Variants in FBN3 observed in about 807,000 individuals in gnomAD.
FBN3 encodes the protein fibrillin-3.
FBN3 carries 234 observed loss-of-function variants against 330.1 expected under a neutral mutation model. That is an observed-to-expected ratio of 0.71 (90% CI 0.64 to 0.79). FBN3 has a LOEUF of 0.79. Ranked by LOEUF, FBN3 falls within the 30% of genes least tolerant of loss-of-function variation. The pLI is 0.00. For missense variants in FBN3, 3,606 were observed against 3,886.9 expected (o/e 0.93, Z 1.92); for synonymous variants, 1,458 against 1,517.3 (o/e 0.96, Z 0.91).
At chr19:8,140,972 C>A (rs1001195359) in intron 8 of FBN3, among the ~76,000 whole-genome samples, 2 of 151,884 alleles carry the variant, frequency 1.3e-5, no homozygotes, top group African/African-American at 4.8e-5. Context: ...GCGGGCGGAT[C>A]ACGAGGTCAG....
chr19:8,094,008 T>A (rs1168391822), intron 47 of FBN3, among the ~76,000 whole-genome samples: 1 of 152,004 alleles, frequency 6.6e-6, no homozygotes, highest in Non-Finnish European at 1.5e-5. Context: ...CCCAGGCTGG[T>A]CCAGGTTAGC....
chr19:8,135,936 G>GGGGGGGCCCCCCCC, intron 13 of FBN3, 25 bp downstream of exon 13: 1 of 668,778 alleles, frequency 1.5e-6, no homozygotes, highest in Non-Finnish European at 2.4e-6. Context: ...GGAAGCCCCT[G>GGGGGGGCCCCCCCC]CCCACCCGCC....
intron 26 of FBN3, 23 bp from the exon 27 acceptor site, chr19:8,117,612 G>C: frequency 6.6e-7 from 1 of 1,513,926 alleles, no homozygotes; most frequent in Admixed American, 2.0e-5. Flanking sequence ...GCAGGTGAAA[G>C]ACGGGCCTGT....
Position 8,066,031 on chromosome 19 carries a change from T to G in FBN3, c.8318A>C (p.Tyr2773Ser). 6.2e-7 allele frequency: 1 copy of G among 1,613,028 alleles called. No individual in the cohort carries two copies. Among genetic ancestry groups the G allele is most frequent in the Non-Finnish European group, 8.5e-7 (1 of 1,179,980 alleles). The stretch of plus-strand genomic sequence containing the variant: ...CATGTGGCTCACCACCTCCAGCCGG[T>G]AGGTTCCAGGCCCCGGCCGCCTCCG... ...LGRRRPGPGTYRLEVVSHMAG... is the reference protein window; with the variant it reads ...LGRRRPGPGTSRLEVVSHMAG... The change falls in exon 64 of 64, where the codon TAC (tyrosine) becomes TCC (serine). Residue 2773 changes from tyrosine to serine, a missense_variant. Physicochemically the swap from Tyr to Ser is moderately radical, Grantham distance 144. Transcript: ENST00000600128.
intron 63 of FBN3, among the ~76,000 whole-genome samples, chr19:8,068,485 C>T (rs1190892138): frequency 6.6e-6 from 1 of 151,850 alleles, no homozygotes; most frequent in African/African-American, 2.4e-5. Flanking sequence ...TCACTTGAGC[C>T]CAGGAGTTTG....
rs1196062016 is a variant in FBN3 at position 8,075,412 on chromosome 19, C to T, written c.7454-1G>A. The T allele has an allele frequency of 1.9e-6, 3 of 1,612,244 alleles. No individual in the cohort carries two copies. Among genetic ancestry groups the T allele is most frequent in the Non-Finnish European group, 8.5e-7 (1 of 1,178,886 alleles). On this transcript the variant is annotated splice_acceptor_variant, in intron 59 of 63. Transcript: ENST00000600128. LOFTEE classifies it high-confidence loss of function. ...GGCTGGGCTGAGCACTCATCATTGTCTGCAGAGGAGAGAGATCAGGCAGGG... is the reference window on the plus strand; with the variant it reads ...GGCTGGGCTGAGCACTCATCATTGTTTGCAGAGGAGAGAGATCAGGCAGGG...
chr19:8,074,693 C>T (rs7247713), intron 61 of FBN3: 107,978 of 174,914 alleles, frequency 0.62, 35,506 homozygotes, highest in African/African-American at 0.86. Context: ...ATGGCAATGA[C>T]ATAGCATGCA....
chr19:8,115,674 G>A, intron 29 of FBN3, 34 bp from the exon 30 acceptor site: 1 of 1,608,642 alleles, frequency 6.2e-7, no homozygotes, highest in Non-Finnish European at 8.5e-7. Context: ...TCTGAGGACT[G>A]GGTGCAGGGG....
intron 40 of FBN3, 152 bp from the exon 41 acceptor site, chr19:8,101,124 TATTTA>T (rs1460315252): frequency 9.1e-6 from 5 of 546,934 alleles, no homozygotes; most frequent in African/African-American, 6.0e-5. Flanking sequence ...TCCTTCCACT[TATTTA>T]ATTTAATTTT....
chr19:8,147,092 G>C lies in FBN3; in HGVS notation c.250+12C>G, dbSNP rs114947960. ...CTGTGCCCCCCCACCTCCAGACGGCGGTAGCACTCACGTACGACACACTGG... is the reference window on the plus strand; with the variant it reads ...CTGTGCCCCCCCACCTCCAGACGGCCGTAGCACTCACGTACGACACACTGG... On this transcript the variant is annotated intron_variant, in intron 3 of 63. Transcript: ENST00000600128. 2 of 1,551,584 alleles carry C rather than the reference G, an allele frequency of 1.3e-6. No individual in the cohort carries two copies. Among genetic ancestry groups the C allele is most frequent in the South Asian group, 2.4e-5 (2 of 84,442 alleles).
chr19:8,101,458 C>T (rs1195131777), intron 40 of FBN3, among the ~76,000 whole-genome samples: 3 of 152,210 alleles, frequency 2.0e-5, no homozygotes, highest in Non-Finnish European at 1.5e-5. Context: ...GCTGTCAACA[C>T]ACTCTGTTCA....
rs2083496282 is a variant in FBN3 at position 8,144,895 on chromosome 19, C to T, written c.523G>A (p.Gly175Arg). 3 of 1,610,814 alleles carry T rather than the reference C, an allele frequency of 1.9e-6. No homozygotes were observed. The highest frequency in any genetic ancestry group is 2.5e-6 in the Non-Finnish European group (3 of 1,179,102). The change falls in exon 6 of 64, where the codon GGA (glycine) becomes AGA (arginine). Residue 175 changes from glycine to arginine, a missense_variant. By Grantham distance (125) the Gly-to-Arg change is moderately radical. Coordinates refer to ENST00000600128, the MANE Select transcript of FBN3 (RefSeq NM_032447.5). Reference protein sequence around the residue: ...NRCACVYGFMGPQCERDYRTG... With the variant: ...NRCACVYGFMRPQCERDYRTG... ...TTGGTACCTCTCTCACATTGAGGTC[C>T]CATGAAGCCATACACACAGGCGCAG...
intron 61 of FBN3, among the ~76,000 whole-genome samples, chr19:8,074,599 AG>A (rs1395465310): frequency 1.3e-5 from 2 of 151,826 alleles, no homozygotes; most frequent in East Asian, 3.9e-4. Context: ...AGAGGCTGCT[AG>A]GAGGTCCTAG....
chr19:8,139,456 C>T (rs2083363003), intron 8 of FBN3, among the ~76,000 whole-genome samples: 1 of 152,158 alleles, frequency 6.6e-6, no homozygotes, highest in Admixed American at 6.5e-5. Flanking sequence ...AGTGAGCTCC[C>T]CGTCGCTGCA....
At chr19:8,103,854 G>T (rs539106160) in intron 38 of FBN3, among the ~76,000 whole-genome samples, 167 bp from the exon 39 acceptor site, 2 of 152,164 alleles carry the variant, frequency 1.3e-5, no homozygotes, top group East Asian at 3.9e-4. Context: ...GCTATAATAT[G>T]GGCTGGGCAT....
chr19:8,095,822 T>A, intron 45 of FBN3, 142 bp downstream of exon 45: 1 of 608,668 alleles, frequency 1.6e-6, no homozygotes, highest in Non-Finnish European at 2.9e-6. Flanking sequence ...TTATTTGACC[T>A]ATGGATTATT....
Position 8,118,928 on chromosome 19 carries a change from A to C in FBN3, c.3306T>G (p.His1102Gln), listed in dbSNP as rs901701585. ...GSYKCQCPPG[H>Q]ELTAKGTACE... ...AGGCAGTGCCCTTGGCCGTCAGCTCATGCCCAGGGGGACACTGGCACTTGT... is the reference window on the plus strand; with the variant it reads ...AGGCAGTGCCCTTGGCCGTCAGCTCCTGCCCAGGGGGACACTGGCACTTGT... Residue 1102 changes from histidine (H) to glutamine (Q), a missense_variant, in exon 26 of 64, where the codon CAT becomes CAG. Physicochemically the swap from His to Gln is conservative, Grantham distance 24. Transcript: ENST00000600128. The C allele has an allele frequency of 1.9e-6, 3 of 1,613,144 alleles. No homozygotes were observed. In the Admixed American group the frequency reaches 5.0e-5, roughly 27 times the overall value.
At chr19:8,069,514 C>T (rs1449902020) in intron 63 of FBN3, among the ~76,000 whole-genome samples, 2 of 152,188 alleles carry the variant, frequency 1.3e-5, no homozygotes, top group Non-Finnish European at 2.9e-5. Context: ...AGGCCTTCTT[C>T]CCACGGAATG....
At chr19:8,124,801 G>T (rs1568430535) in intron 22 of FBN3, among the ~76,000 whole-genome samples, 1 of 152,174 alleles carries the variant, frequency 6.6e-6, no homozygotes, top group Non-Finnish European at 1.5e-5. Flanking sequence ...CTCCCAAAGT[G>T]CTGGCATTAC....
Sources: gnomAD v4.1 joint callset for allele counts (sites outside exome capture counted in the v4.1 genomes callset) on GRCh38, gnomAD v4.1.1 for gene constraint, MANE v1.5 for transcripts, NCBI Gene and HGNC (gene_info 2026-07-23, HGNC 2026-07-21) for gene names.